SLC2A2: variants seen among roughly 807,000 people sequenced by gnomAD.
SLC2A2 encodes solute carrier family 2 member 2, also known as solute carrier family 2, facilitated glucose transporter member 2.
In SLC2A2, 36 loss-of-function variants were observed where a neutral mutation model predicts 54.5. The observed-to-expected ratio is 0.66, with a 90% CI of 0.51 to 0.87. The LOEUF (loss-of-function observed/expected upper bound fraction) is 0.87. SLC2A2 is among the 40% of genes least tolerant of loss of function. The probability of loss-of-function intolerance (pLI) is 0.00; values close to 1 mark genes in which losing one functional copy is unlikely to be tolerated. For synonymous variants in SLC2A2, 223 were observed against 219.1 expected (o/e 1.02, Z -0.16); for missense variants, 543 against 624.3 (o/e 0.87, Z 1.39).
At chr3:171,023,688 T>C (rs1716563745) in intron 1 of SLC2A2, among the ~76,000 whole-genome samples, 1 of 152,230 alleles carries the variant, frequency 6.6e-6, no homozygotes, top group African/African-American at 2.4e-5. Flanking sequence ...GTTTGCCTGT[T>C]TTCTCAACAA....
At chr3:171,025,946 C>T (rs1716668694) in intron 1 of SLC2A2, among the ~76,000 whole-genome samples, 1 of 152,034 alleles carries the variant, frequency 6.6e-6, no homozygotes, top group African/African-American at 2.4e-5. Flanking sequence ...TTAACATTCA[C>T]CAATTTGTTG....
chr3:171,005,332 C>G lies in SLC2A2; in HGVS notation c.916G>C (p.Val306Leu). Reference sequence around the variant, plus strand: ...TGAGCCACATGCAGCATCAGTGCCACTAGAATAGGCTGTCGGTAGCTGGAA... The same window carrying G: ...TGAGCCACATGCAGCATCAGTGCCAGTAGAATAGGCTGTCGGTAGCTGGAA... ...TNSSYRQPIL[V>L]ALMLHVAQQF... The change falls in exon 7 of 11, where the codon GTG becomes CTG. Residue 306 changes from valine to leucine, a missense_variant. By Grantham distance (32) the Val-to-Leu change is conservative (BLOSUM62 1). This residue lies in a region of SLC2A2 where 117 missense variants were observed against 179.2 expected (regional missense o/e 0.65). Coordinates refer to ENST00000314251, the MANE Select transcript of SLC2A2 (RefSeq NM_000340.2). The G allele has an allele frequency of 6.2e-7, 1 of 1,613,040 alleles. No homozygotes were observed. Among genetic ancestry groups the G allele is most frequent in the Non-Finnish European group, 8.5e-7 (1 of 1,179,316 alleles).
chr3:171,012,579 C>G (rs555023722), intron 3 of SLC2A2, among the ~76,000 whole-genome samples: 34 of 152,108 alleles, frequency 2.2e-4, no homozygotes, highest in African/African-American at 7.7e-4. Flanking sequence ...CATCTGTTGA[C>G]TATTACACAA....
At chr3:171,002,524 C>G in intron 8 of SLC2A2, 52 bp downstream of exon 8, 1 of 1,209,190 alleles carries the variant, frequency 8.3e-7, no homozygotes, top group South Asian at 1.2e-5. Context: ...ACCCCTCCTG[C>G]AATTTCTGGA....
chr3:170,998,298 C>A lies in SLC2A2; in HGVS notation c.1269G>T (p.Val423=), dbSNP rs191885528. 6.1e-5 allele frequency: 98 copies of A among 1,613,796 alleles called. No individual in the cohort carries two copies. Among genetic ancestry groups the A allele is most frequent in the Admixed American group, 1.3e-4 (8 of 59,924 alleles). The change falls in exon 10 of 11, where the codon GTG becomes GTT. Residue 423 remains valine (V), a synonymous_variant. Transcript: ENST00000314251. ...IGPGPIPWFM[V]AEFFSQGPRP... Reference sequence around the variant, plus strand: ...GTGGTCCTTGACTGAAAAACTCAGCCACCATGAACCAGGGGATCGGGCCTG... The same window carrying A: ...GTGGTCCTTGACTGAAAAACTCAGCAACCATGAACCAGGGGATCGGGCCTG...
chr3:171,021,483 A>T (rs953319559), intron 1 of SLC2A2, among the ~76,000 whole-genome samples: 1 of 152,218 alleles, frequency 6.6e-6, no homozygotes, highest in East Asian at 1.9e-4. Context: ...TAAACAACAC[A>T]AATTTATTTA....
chr3:171,000,885 G>A (rs1715303838), intron 8 of SLC2A2, among the ~76,000 whole-genome samples: 1 of 152,032 alleles, frequency 6.6e-6, no homozygotes, highest in South Asian at 2.1e-4. Flanking sequence ...GGGTGACGGA[G>A]GGACTATCCT....
chr3:171,025,312 TATAA>T (rs1158600110), intron 1 of SLC2A2, among the ~76,000 whole-genome samples: 2 of 146,242 alleles, frequency 1.4e-5, no homozygotes, highest in African/African-American at 5.2e-5. Flanking sequence ...GTTTATACAT[TATAA>T]TATAATTTAT....
At position 170,998,010 on chromosome 3, in the gene SLC2A2, T is replaced by C; in HGVS notation, c.1468A>G (p.Lys490Glu). ...TCTGCAGCAATTTCCTCAAAAGACT[T>C]TCCTTTGGTTTCTGGAACTTTAAAA... ...TFFKVPETKG[K>E]SFEEIAAEFQ... Residue 490 changes from lysine (K) to glutamate (E), a missense_variant, in exon 11 of 11, where the codon AAG (lysine) becomes GAG (glutamate). Around this residue, in one of 3 missense-constraint regions of SLC2A2, gnomAD observed 108 missense variants for 101.3 expected, o/e 1.07. Coordinates refer to ENST00000314251, the MANE Select transcript of SLC2A2 (RefSeq NM_000340.2). 1 of 1,613,714 alleles carries C rather than the reference T, an allele frequency of 6.2e-7. No individual in the cohort carries two copies. Among genetic ancestry groups the C allele is most frequent in the Non-Finnish European group, 8.5e-7 (1 of 1,179,786 alleles).
intron 1 of SLC2A2, among the ~76,000 whole-genome samples, chr3:171,025,448 C>T (rs1176738485): frequency 2.6e-5 from 4 of 152,034 alleles, no homozygotes; most frequent in African/African-American, 7.2e-5. Flanking sequence ...TACTCCCTAA[C>T]TCTAAAGTAC....
At chr3:171,015,551 CTT>C (rs1716111143) in intron 2 of SLC2A2, among the ~76,000 whole-genome samples, 2 of 152,008 alleles carry the variant, frequency 1.3e-5, no homozygotes, top group African/African-American at 4.8e-5. Flanking sequence ...TTTAAATTGA[CTT>C]ATACATATTT....
rs772071162 is a variant in SLC2A2, at chr3:171,007,193, G to A, written c.567C>T (p.Gly189=). The A allele has an allele frequency of 1.2e-6, 2 of 1,612,702 alleles. No individual in the cohort carries two copies. The highest frequency in any genetic ancestry group is 3.3e-5 in the Admixed American group (2 of 59,854). Residue 189 remains glycine, a synonymous_variant, in exon 5 of 11, where the codon GGC becomes GGT. Transcript: ENST00000314251. ...TGACGATGGCCAGCTGATGAAAAGT[G>A]CCAAGTGCTCCCCTGAGAGCGGTTG... ...IAPTALRGAL[G]TFHQLAIVTG...
At chr3:171,007,059 A>C (rs1301326633) in intron 5 of SLC2A2, 89 bp downstream of exon 5, 1 of 780,034 alleles carries the variant, frequency 1.3e-6, no homozygotes, top group Non-Finnish European at 2.3e-6. Context: ...GAAGTGGAGG[A>C]AGTACAGTAG....
intron 1 of SLC2A2, among the ~76,000 whole-genome samples, chr3:171,025,499 CAA>C (rs1716649709): frequency 6.6e-6 from 1 of 152,038 alleles, no homozygotes. Context: ...TCACTGAGCC[CAA>C]GTTTCTTTGC....
At chr3:171,002,522 T>A in intron 8 of SLC2A2, 54 bp downstream of exon 8, 26 of 1,100,528 alleles carry the variant, frequency 2.4e-5, no homozygotes, top group Non-Finnish European at 3.3e-5. Context: ...CCACCCCTCC[T>A]GCAATTTCTG....
At chr3:170,999,245 C>G (rs1362655397) in intron 8 of SLC2A2, 79 bp from the exon 9 acceptor site, 2 of 925,914 alleles carry the variant, frequency 2.2e-6, no homozygotes, top group Admixed American at 1.8e-5. Flanking sequence ...TTTTTACTGC[C>G]AAAGAGGTCA....
chr3:171,013,291 T>A (rs1715974844), intron 3 of SLC2A2, among the ~76,000 whole-genome samples: 1 of 152,174 alleles, frequency 6.6e-6, no homozygotes, highest in Non-Finnish European at 1.5e-5. Flanking sequence ...ACATTGAAAT[T>A]ATTTTTGAAT....
intron 2 of SLC2A2, among the ~76,000 whole-genome samples, chr3:171,017,939 A>ATTT (rs1380193415): frequency 1.3e-5 from 2 of 152,218 alleles, no homozygotes; most frequent in African/African-American, 2.4e-5. Flanking sequence ...TATTATTCTA[A>ATTT]AGTTTTACAT....
Position 171,010,026 on chromosome 3 carries a change from C to T in SLC2A2, c.428G>A (p.Gly143Glu). 4.3e-6 allele frequency: 7 copies of T among 1,611,520 alleles called. No homozygotes were observed. Among genetic ancestry groups the T allele is most frequent in the Non-Finnish European group, 5.9e-6 (7 of 1,178,594 alleles). ...ATGAGATGGTCCCAATTTTGAAAAC[C>T]CCATCAAGAGAGCTCCAACTAATGA... ...ILSLVGALLM[G>E]FSKLGPSHIL... The change falls in exon 4 of 11, where the codon GGG becomes GAG. Residue 143 changes from glycine to glutamate, a missense_variant. Transcript: ENST00000314251.
Sources: allele counts gnomAD v4.1 joint callset (sites outside exome capture counted in the v4.1 genomes callset), GRCh38; gene constraint gnomAD v4.1.1; regional missense constraint gnomAD v4.1.1; transcripts MANE v1.5; gene names NCBI Gene and HGNC (gene_info 2026-07-23, HGNC 2026-07-21).